DPH6: variants seen among roughly 807,000 people sequenced by gnomAD.
DPH6 encodes the protein diphthine--ammonia ligase.
Under a neutral mutation model 38.2 loss-of-function variants are expected in DPH6, and 33 were observed. The observed-to-expected ratio is 0.86, with a 90% CI of 0.65 to 1.15. The LOEUF is 1.15. Ranked by LOEUF, DPH6 falls within the 50% of genes most tolerant of loss-of-function variation. DPH6 has a pLI of 0.00. For missense variants in DPH6, 325 were observed against 320.0 expected, an observed-to-expected ratio of 1.02 and a Z score of -0.12; for synonymous variants, 108 against 103.0, an observed-to-expected ratio of 1.05 and a Z score of -0.30.
intron 3 of DPH6, among the ~76,000 whole-genome samples, chr15:35,245,049 T>C (rs1466352013): frequency 1.3e-5 from 2 of 152,118 alleles, no homozygotes; most frequent in Non-Finnish European, 2.9e-5. Context: ...GGGGAGGCTA[T>C]TCATGCTACA....
intron 3 of DPH6, among the ~76,000 whole-genome samples, chr15:35,290,239 A>T (rs189002257): frequency 4.0e-4 from 61 of 152,342 alleles, no homozygotes; most frequent in African/African-American, 1.4e-3. Context: ...ACATTAAGGT[A>T]TTACAAAGAA....
At chr15:35,327,572 G>C (rs1037849737), downstream of DPH6, among the ~76,000 whole-genome samples, 2 of 151,910 alleles carry the variant, frequency 1.3e-5, no homozygotes, top group African/African-American at 4.8e-5. Flanking sequence ...GTCTCTATCT[G>C]CTGACCTCGT....
At chr15:35,256,942 TAAAG>T (rs1260008250) in intron 3 of DPH6, among the ~76,000 whole-genome samples, 12 of 152,118 alleles carry the variant, frequency 7.9e-5, no homozygotes, top group Admixed American at 7.9e-4. Flanking sequence ...AAAGAGAACA[TAAAG>T]AAGACTAAAA....
chr15:35,311,928 C>T (rs760157173), intron 3 of DPH6, among the ~76,000 whole-genome samples: 2 of 145,680 alleles, frequency 1.4e-5, no homozygotes, highest in Non-Finnish European at 3.0e-5. Context: ...TTCCTTCCAA[C>T]GCTAAATTTT....
intron 3 of DPH6, among the ~76,000 whole-genome samples, chr15:35,244,237 T>C (rs535046880): frequency 6.6e-6 from 1 of 152,350 alleles, no homozygotes; most frequent in African/African-American, 2.4e-5. Context: ...AATTCCAAAC[T>C]AGTTCTTACT....
chr15:35,392,965 T>C (rs1316618469), intron 6 of DPH6, among the ~76,000 whole-genome samples: 3 of 152,300 alleles, frequency 2.0e-5, no homozygotes, highest in East Asian at 3.9e-4. Flanking sequence ...GGATGAGTAA[T>C]GGCAGTGAGA....
chr15:35,317,497 G>A (rs2052202430), intron 3 of DPH6, among the ~76,000 whole-genome samples: 1 of 149,270 alleles, frequency 6.7e-6, no homozygotes, highest in Non-Finnish European at 1.5e-5. Flanking sequence ...AAACAAGAAG[G>A]CAAAATAAAG....
intron 3 of DPH6, chr15:35,489,211 A>C (rs2054444144): frequency 9.2e-6 from 4 of 433,308 alleles, no homozygotes; most frequent in African/African-American, 2.2e-5. Context: ...AGAGAGATAT[A>C]ATCTTGGAAA....
chr15:35,248,149 A>C (rs1170250780), intron 3 of DPH6, among the ~76,000 whole-genome samples: 2 of 152,144 alleles, frequency 1.3e-5, no homozygotes, highest in Non-Finnish European at 2.9e-5. Context: ...AAAGCCTCAG[A>C]AGCAGCCTAA....
At chr15:35,202,305 G>A in the DPH6 span, among the ~76,000 whole-genome samples, 2 of 151,718 alleles carry the variant, frequency 1.3e-5, no homozygotes, top group South Asian at 4.1e-4. Context: ...GTATTGAGAA[G>A]ATCAAGGATG....
At chr15:35,202,351 G>C in the DPH6 span, among the ~76,000 whole-genome samples, 1 of 151,758 alleles carries the variant, frequency 6.6e-6, no homozygotes, top group Admixed American at 6.6e-5. Context: ...TTACCACAGA[G>C]AGTTTACCAA....
chr15:35,310,260 T>C (rs1174099193), intron 3 of DPH6, among the ~76,000 whole-genome samples: 3 of 152,208 alleles, frequency 2.0e-5, no homozygotes, highest in Admixed American at 6.5e-5. Flanking sequence ...TTCCCCATGC[T>C]GTCCTCTAAC....
At chr15:35,296,079 A>G (rs1196371670) in intron 3 of DPH6, among the ~76,000 whole-genome samples, 1 of 151,944 alleles carries the variant, frequency 6.6e-6, no homozygotes, top group East Asian at 1.9e-4. Context: ...AGCTGGGACT[A>G]TAGGCGCCCG....
At chr15:35,455,025 T>C (rs898441238) in intron 3 of DPH6, among the ~76,000 whole-genome samples, 6 of 152,182 alleles carry the variant, frequency 3.9e-5, no homozygotes, top group Admixed American at 2.0e-4. Flanking sequence ...ATTATGGTTT[T>C]ACTTAAAATT....
chr15:35,358,958 C>A (rs568345219), intron 3 of DPH6, among the ~76,000 whole-genome samples: 72 of 152,138 alleles, frequency 4.7e-4, no homozygotes, highest in African/African-American at 1.6e-3. Context: ...AGATTATATA[C>A]CCTTTGTCTT....
chr15:35,258,625 T>C (rs930257728), intron 3 of DPH6, among the ~76,000 whole-genome samples: 4 of 152,190 alleles, frequency 2.6e-5, no homozygotes, highest in African/African-American at 9.6e-5. Flanking sequence ...AGCTTAGGGA[T>C]GAGTTAAGGT....
At chr15:35,285,511 C>T (rs1322319157) in intron 3 of DPH6, among the ~76,000 whole-genome samples, 7 of 152,272 alleles carry the variant, frequency 4.6e-5, no homozygotes, top group Non-Finnish European at 4.4e-5. Context: ...CCCTGCCTTC[C>T]GCCATGATTG....
chr15:35,236,696 T>C (rs562625864), intron 3 of DPH6, among the ~76,000 whole-genome samples: 83 of 152,176 alleles, frequency 5.5e-4, no homozygotes, highest in Non-Finnish European at 9.6e-4. Context: ...ATCAGGTATC[T>C]ACTATTTATA....
chr15:35,252,008 G>C (rs1163172316), intron 3 of DPH6, among the ~76,000 whole-genome samples: 1 of 152,098 alleles, frequency 6.6e-6, no homozygotes, highest in African/African-American at 2.4e-5. Flanking sequence ...GCGTGGTAGT[G>C]GGGGGCCTGT....
Sources: gnomAD v4.1 joint callset for allele counts (sites outside exome capture counted in the v4.1 genomes callset) on GRCh38, gnomAD v4.1.1 for gene constraint, MANE v1.5 for transcripts, NCBI Gene and HGNC (gene_info 2026-07-23, HGNC 2026-07-21) for gene names.